The following CA4 variants were observed in gnomAD, a reference collection of about 807,000 sequenced individuals.
CA4 encodes CA-IV.
In CA4, 24 loss-of-function variants were observed where a neutral mutation model predicts 34.5. The ratio of observed to expected loss-of-function variants is 0.70; its 90% CI spans 0.50 to 0.98. CA4 has a LOEUF of 0.98. Ranked by LOEUF, CA4 falls within the 50% of genes least tolerant of loss-of-function variation. The probability of loss-of-function intolerance (pLI) is 0.00; values close to 1 mark genes in which losing one functional copy is unlikely to be tolerated. For missense variants in CA4, 394 were observed against 396.7 expected, an observed-to-expected ratio of 0.99 and a Z score of 0.06; for synonymous variants, 178 against 170.6, an observed-to-expected ratio of 1.04 and a Z score of -0.34.
intron 1 of CA4, among the ~76,000 whole-genome samples, chr17:60,153,302 C>T (rs1163386857): frequency 6.6e-6 from 1 of 152,162 alleles, no homozygotes; most frequent in African/African-American, 2.4e-5. Context: ...CCCACCACTG[C>T]CCTCCAGCCT....
At position 60,159,520 on chromosome 17, in the gene CA4, T is replaced by TAAA; in HGVS notation, c.*98_*100dup. On this transcript the variant is annotated 3_prime_UTR_variant, in exon 8 of 8. Transcript: ENST00000300900. ...TCCCAGGTGGGACTTTAGGCATGAT[T>TAAA]AAAATATGGACATATTTTTGGAGAA... 1 of 1,321,868 alleles carries TAAA rather than the reference T, an allele frequency of 7.6e-7. No individual in the cohort carries two copies. The highest frequency in any genetic ancestry group is 1.1e-6 in the Non-Finnish European group (1 of 945,836). 81.9% of individuals were successfully genotyped at this position (1,321,868 alleles called of 1,614,324 possible). A position where few individuals can be genotyped will look rare whatever the true frequency, so the allele number is the denominator to read the frequency against.
rs2083560386 is a variant in CA4, at chr17:60,150,087, G to A, written c.53G>A (p.Ser18Asn). The A allele has an allele frequency of 6.3e-6, 10 of 1,597,784 alleles. No individual in the cohort carries two copies. The highest frequency in any genetic ancestry group is 8.5e-6 in the Non-Finnish European group (10 of 1,178,550). ...LALSAARPSASAESHWCYEVQ... is the reference protein window; with the variant it reads ...LALSAARPSANAESHWCYEVQ... Reference sequence around the variant, plus strand: ...CTCTCCGCGGCGCGGCCATCGGCCAGTGCAGGTGAGCTCCCGGGCTCCGGC... The same window carrying A: ...CTCTCCGCGGCGCGGCCATCGGCCAATGCAGGTGAGCTCCCGGGCTCCGGC... Residue 18 changes from serine to asparagine, a missense_variant, in exon 1 of 8, where the codon AGT becomes AAT. Transcript: ENST00000300900.
chr17:60,151,415 G>A (rs1449798567), intron 1 of CA4: 2 of 152,220 alleles, frequency 1.3e-5, no homozygotes, highest in African/African-American at 4.8e-5. Flanking sequence ...AAGAGAAAAA[G>A]CAGAATGTGG....
At chr17:60,164,116 G>GAAAA (rs996409265), downstream of CA4, among the ~76,000 whole-genome samples, 1 of 138,102 alleles carries the variant, frequency 7.2e-6, no homozygotes, top group Non-Finnish European at 1.6e-5. Flanking sequence ...CTCAAAAAAG[G>GAAAA]AAAAAAAAAA....
At chr17:60,167,664 C>T (rs935208360) in intron 5 of CA4, among the ~76,000 whole-genome samples, 3 of 152,230 alleles carry the variant, frequency 2.0e-5, no homozygotes, top group Non-Finnish European at 4.4e-5. Flanking sequence ...TGCCAGCTTT[C>T]CTTCAGGGGC....
Position 60,157,804 on chromosome 17 carries a change from C to G in CA4, c.513+16C>G, listed in dbSNP as rs746643883. 1 of 1,603,848 alleles carries G rather than the reference C, an allele frequency of 6.2e-7. No homozygotes were observed. The highest frequency in any genetic ancestry group is 1.7e-4 in the Middle Eastern group (1 of 6,040). Reference sequence around the variant, plus strand: ...TCTGGTGGAGGTGGGACTCCCATCCCCCACTTCCCGGGGAACCCGGGGCTG... The same window carrying G: ...TCTGGTGGAGGTGGGACTCCCATCCGCCACTTCCCGGGGAACCCGGGGCTG... On this transcript the variant is annotated intron_variant, in intron 5 of 7. Transcript: ENST00000300900.
chr17:60,155,455 G>T lies in CA4; in HGVS notation c.112+88G>T, dbSNP rs1419217839. On this transcript the variant is annotated intron_variant, in intron 2 of 7. Coordinates refer to ENST00000300900, the MANE Select transcript of CA4 (RefSeq NM_000717.5). ...GGAGACCCCGGAAGAGTGGGAAGGG[G>T]AGGGGTGATGGTGGCTTCCCAGGCA... 3.8e-6 allele frequency: 4 copies of T among 1,045,628 alleles called. No individual in the cohort carries two copies. The Admixed American group carries it at 6.0e-5, about 16-fold the overall frequency. The allele number at this position is 1,045,628 out of a possible 1,614,324, so 64.8% of individuals were successfully genotyped here.
At chr17:60,172,613 G>A (rs1276553744), downstream of CA4, among the ~76,000 whole-genome samples, 1 of 152,176 alleles carries the variant, frequency 6.6e-6, no homozygotes, top group African/African-American at 2.4e-5. Flanking sequence ...GGAGGCTGAG[G>A]CGGGTGGATC....
At chr17:60,169,753 T>G (rs2083896135) in intron 5 of CA4, among the ~76,000 whole-genome samples, 1 of 152,180 alleles carries the variant, frequency 6.6e-6, no homozygotes, top group African/African-American at 2.4e-5. Context: ...CCTCCCACAG[T>G]GCTGGGATTA....
intron 1 of CA4, among the ~76,000 whole-genome samples, chr17:60,150,939 G>C (rs533088695): frequency 2.6e-5 from 4 of 151,632 alleles, no homozygotes; most frequent in African/African-American, 7.3e-5. Flanking sequence ...GGGGCGGGGG[G>C]TGGGGGACCC....
At chr17:60,172,157 A>T (rs1408914112), downstream of CA4, among the ~76,000 whole-genome samples, 1 of 152,182 alleles carries the variant, frequency 6.6e-6, no homozygotes, top group African/African-American at 2.4e-5. Flanking sequence ...CCTGCTACAG[A>T]TAACTGAAGG....
downstream of CA4, among the ~76,000 whole-genome samples, chr17:60,174,794 A>G (rs1175089937): frequency 6.6e-6 from 1 of 152,186 alleles, no homozygotes; most frequent in Admixed American, 6.5e-5. Flanking sequence ...GTCCCAGTAA[A>G]ATTCTGTACT....
chr17:60,161,126 G>A (rs2083783685), downstream of CA4, among the ~76,000 whole-genome samples: 1 of 152,026 alleles, frequency 6.6e-6, no homozygotes, highest in Admixed American at 6.6e-5. Context: ...TTGGTCCCTT[G>A]GGACTTGTCA....
intron 1 of CA4, 72 bp downstream of exon 1, chr17:60,150,164 G>T (rs58771049): frequency 0.11 from 145,469 of 1,297,868 alleles, 10,106 homozygotes; most frequent in African/African-American, 0.32. Context: ...CGCCCCTGCA[G>T]AGGATCCCCC....
the CA4 span, among the ~76,000 whole-genome samples, chr17:60,178,101 A>T: frequency 1.3e-5 from 2 of 152,212 alleles, no homozygotes; most frequent in Admixed American, 6.5e-5. Flanking sequence ...ATATCAAAAT[A>T]AAAAAATTAG....
intron 5 of CA4, among the ~76,000 whole-genome samples, chr17:60,169,074 C>T (rs749893624): frequency 6.6e-6 from 1 of 151,974 alleles, no homozygotes; most frequent in Non-Finnish European, 1.5e-5. Flanking sequence ...TGGTGAAACC[C>T]CATCTCTACT....
In CA4 at chr17:60,151,285, T is replaced by G. The variant is rs543745608; in HGVS notation, c.58+1193T>G. ...ATCCTCAAAGCGGCGGAGTGAGGGG[T>G]GAAGGTGTCCTCTGCACAGAGAGGA... On this transcript the variant is annotated intron_variant, in intron 1 of 7. Coordinates refer to ENST00000300900, the MANE Select transcript of CA4 (RefSeq NM_000717.5). Among the ~76,000 whole-genome samples the G allele has an allele frequency of 8.6e-5, 13 of 151,940 alleles. No individual in the cohort carries two copies. In the East Asian group the frequency reaches 2.5e-3, roughly 29 times the overall value.
At chr17:60,167,847 A>G (rs1410366603) in intron 5 of CA4, among the ~76,000 whole-genome samples, 1 of 152,156 alleles carries the variant, frequency 6.6e-6, no homozygotes, top group Non-Finnish European at 1.5e-5. Flanking sequence ...GTCTGTCCCC[A>G]GTCTCCATGA....
Position 60,156,634 on chromosome 17 carries a change from G to A in CA4, c.187G>A (p.Val63Met). The change falls in exon 3 of 8, where the codon GTG becomes ATG. Residue 63 changes from valine (V) to methionine (M), a missense_variant. Coordinates refer to ENST00000300900, the MANE Select transcript of CA4 (RefSeq NM_000717.5). Reference sequence around the variant, plus strand: ...CAACATCGTCACCACCAAGGCAAAGGTGGACAAAAAACTGGGACGCTTCTT... The same window carrying A: ...CAACATCGTCACCACCAAGGCAAAGATGGACAAAAAACTGGGACGCTTCTT... Reference protein sequence around the residue: ...PINIVTTKAKVDKKLGRFFFS... With the variant: ...PINIVTTKAKMDKKLGRFFFS... The A allele has an allele frequency of 6.2e-7, 1 of 1,614,164 alleles. No homozygotes were observed. The highest frequency in any genetic ancestry group is 1.1e-5 in the South Asian group (1 of 91,090).
Sources: gnomAD v4.1 joint callset for allele counts (sites outside exome capture counted in the v4.1 genomes callset) on GRCh38, gnomAD v4.1.1 for gene constraint, MANE v1.5 for transcripts, NCBI Gene and HGNC (gene_info 2026-07-23, HGNC 2026-07-21) for gene names.